CA10: variants seen among roughly 807,000 people sequenced by gnomAD.
The protein encoded by CA10 is carbonic anhydrase-related protein 10.
CA10 carries 14 observed loss-of-function variants against 44.2 expected under a neutral mutation model. The observed-to-expected ratio is 0.32, with a 90% CI of 0.21 to 0.50. The LOEUF (loss-of-function observed/expected upper bound fraction) is 0.50, where lower values mean the gene tolerates loss of function less well. Among genes scored for constraint, CA10 ranks in the 20% least tolerant of loss-of-function variants. The pLI, the probability that CA10 is intolerant of heterozygous loss-of-function variation, is 0.99. For synonymous variants in CA10, 159 were observed against 141.6 expected, an observed-to-expected ratio of 1.12 and a Z score of -0.87; for missense variants, 350 against 409.7, an observed-to-expected ratio of 0.85 and a Z score of 1.26.
chr17:51,939,435 T>C (rs1375198734), intron 2 of CA10, among the ~76,000 whole-genome samples: 1 of 152,130 alleles, frequency 6.6e-6, no homozygotes, highest in African/African-American at 2.4e-5. Context: ...AAAGGTAGTA[T>C]TGTTCAGTCA....
chr17:51,876,597 C>T lies in CA10; in HGVS notation c.279+54393G>A, dbSNP rs528022697. Among the ~76,000 whole-genome samples the T allele has an allele frequency of 1.6e-4, 24 of 152,090 alleles. 1 individual carries two copies. In the South Asian group the frequency reaches 4.6e-3, roughly 29 times the overall value. On this transcript the variant is annotated intron_variant, in intron 3 of 8. Coordinates refer to ENST00000451037, the MANE Select transcript of CA10 (RefSeq NM_020178.5). ...GTTTGGCAGCATCCTTGGATCTATC[C>T]ATTAGGTACCCGTAACAGCCTCTGA...
chr17:51,983,961 A>C (rs901201448), intron 2 of CA10, among the ~76,000 whole-genome samples: 3 of 151,806 alleles, frequency 2.0e-5, no homozygotes, highest in Non-Finnish European at 4.4e-5. Flanking sequence ...TTTTTGGCAA[A>C]TATTTCCAAC....
In CA10 at chr17:51,794,545, CAT is replaced by C. The variant is rs750804826; in HGVS notation, c.280-46729_280-46728del. The stretch of plus-strand genomic sequence containing the variant: ...GTTCTATTTTTATTTAAAATTTAAT[CAT>C]ATGATATTTACTAAATAACACCAAA... On this transcript the variant is annotated intron_variant, in intron 3 of 8. Transcript: ENST00000451037. Among the ~76,000 whole-genome samples, 47 of 152,292 alleles carry C rather than the reference CAT, an allele frequency of 3.1e-4. 1 individual carries two copies. The highest frequency in any genetic ancestry group is 2.7e-3 in the Admixed American group (42 of 15,288).
intron 2 of CA10, among the ~76,000 whole-genome samples, chr17:51,968,616 T>G (rs1030833383): frequency 7.2e-5 from 11 of 151,864 alleles, no homozygotes; most frequent in Admixed American, 1.3e-4. Flanking sequence ...TACTAGGGGA[T>G]CTTGAGGGGT....
intron 1 of CA10, among the ~76,000 whole-genome samples, chr17:52,094,824 A>G (rs993054064): frequency 1.3e-5 from 2 of 152,178 alleles, no homozygotes; most frequent in African/African-American, 4.8e-5. Flanking sequence ...TATTGGCAGG[A>G]ATGTGGTGCA....
intron 4 of CA10, among the ~76,000 whole-genome samples, chr17:51,691,003 T>C (rs1184634135): frequency 2.6e-5 from 4 of 152,236 alleles, no homozygotes; most frequent in Non-Finnish European, 4.4e-5. Context: ...GTTAATTTCA[T>C]ATCTTAGCTA....
At chr17:51,978,097 T>A (rs141576832) in intron 2 of CA10, among the ~76,000 whole-genome samples, 68 of 152,214 alleles carry the variant, frequency 4.5e-4, no homozygotes, top group African/African-American at 1.5e-3. Flanking sequence ...TCTTTTATCT[T>A]TAAATAGATC....
intron 1 of CA10, among the ~76,000 whole-genome samples, chr17:52,104,872 G>A (rs1010585910): frequency 1.3e-5 from 2 of 152,158 alleles, no homozygotes; most frequent in East Asian, 1.9e-4. Context: ...TCTCCCAGTA[G>A]GTTAGATAAA....
chr17:51,682,800 AAAG>A (rs35142566), intron 4 of CA10, among the ~76,000 whole-genome samples: 51,675 of 151,928 alleles, frequency 0.34, 9,252 homozygotes, highest in Admixed American at 0.42. Flanking sequence ...AACGTGGGGC[AAAG>A]AAGGGAAACC....
intron 3 of CA10, among the ~76,000 whole-genome samples, chr17:51,852,406 G>A (rs1978838195): frequency 6.6e-6 from 1 of 152,114 alleles, no homozygotes; most frequent in Non-Finnish European, 1.5e-5. Context: ...AGGAATTTGG[G>A]TAATAATTCT....
At chr17:51,740,442 G>C (rs1251024092) in intron 4 of CA10, among the ~76,000 whole-genome samples, 1 of 152,174 alleles carries the variant, frequency 6.6e-6, no homozygotes, top group Non-Finnish European at 1.5e-5. Flanking sequence ...TGAATCAGAA[G>C]ACCCGAACTA....
At position 51,719,393 on chromosome 17, in the gene CA10, T is replaced by C. The variant is rs148559524; in HGVS notation, c.465+28240A>G. 2.7e-3 allele frequency among the ~76,000 whole-genome samples: 415 copies of C among 152,290 alleles called. 1 individual carries two copies. Among genetic ancestry groups the C allele is most frequent in the Admixed American group, 9.2e-3 (140 of 15,292 alleles). Reference sequence around the variant, plus strand: ...AAAAGTAGACTAGAAAGTTGAGTCATTGGGGAATTGAAGGGAAGATCCATG... The same window carrying C: ...AAAAGTAGACTAGAAAGTTGAGTCACTGGGGAATTGAAGGGAAGATCCATG... On this transcript the variant is annotated intron_variant, in intron 4 of 8. Transcript: ENST00000451037.
intron 2 of CA10, among the ~76,000 whole-genome samples, chr17:52,008,614 A>C (rs372539276): frequency 6.6e-6 from 1 of 151,866 alleles, no homozygotes; most frequent in Non-Finnish European, 1.5e-5. Context: ...GACAACTTAC[A>C]TATTGTAAGT....
intron 3 of CA10, among the ~76,000 whole-genome samples, chr17:51,805,600 A>G (rs73336608): frequency 0.11 from 17,463 of 152,258 alleles, 1,374 homozygotes; most frequent in African/African-American, 0.23. Flanking sequence ...GAACATTTTT[A>G]AAAACAGTTT....
chr17:51,874,388 T>TAAAAAAA (rs780808287), intron 3 of CA10, among the ~76,000 whole-genome samples: 4 of 127,452 alleles, frequency 3.1e-5, no homozygotes, highest in Non-Finnish European at 1.7e-5. Context: ...GAGTAATTAT[T>TAAAAAAA]AAAAAAAAAA....
At chr17:52,037,849 C>A (rs1232323306) in intron 2 of CA10, among the ~76,000 whole-genome samples, 1 of 152,136 alleles carries the variant, frequency 6.6e-6, no homozygotes, top group African/African-American at 2.4e-5. Context: ...GGAAATAATT[C>A]TCTCATACCT....
At chr17:51,679,386 A>C (rs1011439855) in intron 4 of CA10, among the ~76,000 whole-genome samples, 3 of 150,586 alleles carry the variant, frequency 2.0e-5, no homozygotes, top group African/African-American at 7.4e-5. Context: ...CAGCCTCCCT[A>C]GTAGCTGGGA....
chr17:51,691,367 A>G (rs531052486), intron 4 of CA10, among the ~76,000 whole-genome samples: 83 of 152,310 alleles, frequency 5.4e-4, no homozygotes, highest in African/African-American at 1.9e-3. Context: ...GGTCATCGGT[A>G]TGTCATTTTG....
chr17:51,868,758 G>T (rs1221377900), intron 3 of CA10, among the ~76,000 whole-genome samples: 1 of 151,936 alleles, frequency 6.6e-6, no homozygotes, highest in East Asian at 1.9e-4. Context: ...AGCTCTGTTG[G>T]ACACCACTCA....
Sources: gnomAD v4.1 joint callset for allele counts (sites outside exome capture counted in the v4.1 genomes callset) on GRCh38, gnomAD v4.1.1 for gene constraint, MANE v1.5 for transcripts, NCBI Gene and HGNC (gene_info 2026-07-23, HGNC 2026-07-21) for gene names.